CTNND2: variants seen among roughly 807,000 people sequenced by gnomAD.
CTNND2 encodes the protein catenin delta 2.
Under a neutral mutation model 144.4 loss-of-function variants are expected in CTNND2, and 22 were observed. The ratio of observed to expected loss-of-function variants is 0.15; its 90% CI spans 0.11 to 0.22. The LOEUF is 0.22. Ranked by LOEUF, CTNND2 falls within the 10% of genes least tolerant of loss-of-function variation. The pLI, the probability that CTNND2 is intolerant of heterozygous loss-of-function variation, is 1.00. For synonymous variants in CTNND2, 751 were observed against 695.6 expected, an observed-to-expected ratio of 1.08 and a Z score of -1.25; for missense variants, 1,353 against 1,618.8, an observed-to-expected ratio of 0.84 and a Z score of 2.82.
chr5:11,770,209 G>A (rs944547634), intron 1 of CTNND2, among the ~76,000 whole-genome samples: 1 of 152,056 alleles, frequency 6.6e-6, no homozygotes, highest in African/African-American at 2.4e-5. Flanking sequence ...GACAGAAGAA[G>A]AATGGAAACC....
At chr5:11,823,038 A>C (rs1793400752) in intron 1 of CTNND2, among the ~76,000 whole-genome samples, 1 of 152,212 alleles carries the variant, frequency 6.6e-6, no homozygotes, top group Non-Finnish European at 1.5e-5. Context: ...AAAATTACTC[A>C]ATTATTGTAG....
chr5:11,760,680 T>C (rs778167363), intron 1 of CTNND2, among the ~76,000 whole-genome samples: 7 of 152,214 alleles, frequency 4.6e-5, no homozygotes, highest in Non-Finnish European at 8.8e-5. Flanking sequence ...GCAGTAAGAA[T>C]GCTCATTCCA....
At chr5:11,583,092 TA>T (rs1252095457) in intron 2 of CTNND2, among the ~76,000 whole-genome samples, 4 of 152,252 alleles carry the variant, frequency 2.6e-5, no homozygotes, top group South Asian at 2.1e-4. Flanking sequence ...AGCTCTTACA[TA>T]AAATTGACAG....
At chr5:11,014,901 C>A (rs908658514) in intron 18 of CTNND2, among the ~76,000 whole-genome samples, 1 of 152,176 alleles carries the variant, frequency 6.6e-6, no homozygotes, top group African/African-American at 2.4e-5. Context: ...CCTAATTATG[C>A]AAACTCCATA....
intron 2 of CTNND2, among the ~76,000 whole-genome samples, chr5:11,627,693 G>A (rs765372668): frequency 5.9e-5 from 9 of 151,766 alleles, no homozygotes; most frequent in Non-Finnish European, 1.2e-4. Context: ...TTTCCAGGCT[G>A]GGTGTGGGGG....
chr5:11,903,479 G>C lies in CTNND2; in HGVS notation c.37+338C>G. The C allele has an allele frequency of 2.8e-6, 2 of 725,914 alleles. No individual in the cohort carries two copies. 45.0% of individuals were successfully genotyped at this position (725,914 alleles called of 1,614,324 possible). ...ATTAGGGACGTCATGAATGCACCGAGTATGTTCTCAGGGTGGCGGGGAGCA... is the reference window on the plus strand; with the variant it reads ...ATTAGGGACGTCATGAATGCACCGACTATGTTCTCAGGGTGGCGGGGAGCA... On this transcript the variant is annotated intron_variant, in intron 1 of 21. Coordinates refer to ENST00000304623, the MANE Select transcript of CTNND2 (RefSeq NM_001332.4). The surrounding 1 kb of genome is among the most constrained non-coding windows in gnomAD (Gnocchi z 5.4).
chr5:11,206,976 A>G (rs907028346), intron 10 of CTNND2, among the ~76,000 whole-genome samples: 2 of 152,148 alleles, frequency 1.3e-5, no homozygotes, highest in African/African-American at 4.8e-5. Context: ...TATATGCTCT[A>G]CTTCACAGTA....
intron 3 of CTNND2, among the ~76,000 whole-genome samples, chr5:11,450,214 G>T (rs1765178996): frequency 6.6e-6 from 1 of 152,024 alleles, no homozygotes; most frequent in Admixed American, 6.5e-5. Context: ...GATTTCCTTG[G>T]GCTGCCCCAC....
intron 2 of CTNND2, among the ~76,000 whole-genome samples, chr5:11,573,194 A>T (rs1396768285): frequency 6.6e-6 from 1 of 152,222 alleles, no homozygotes; most frequent in Admixed American, 6.5e-5. Flanking sequence ...AGCACTTAGC[A>T]GAATAAGGTA....
intron 9 of CTNND2, among the ~76,000 whole-genome samples, chr5:11,270,957 A>G (rs1745936132): frequency 6.6e-6 from 1 of 152,244 alleles, no homozygotes; most frequent in African/African-American, 2.4e-5. Context: ...AATAAAATAC[A>G]AACTAGGAAA....
At chr5:11,430,109 G>T (rs552037332) in intron 3 of CTNND2, among the ~76,000 whole-genome samples, 1 of 151,846 alleles carries the variant, frequency 6.6e-6, no homozygotes, top group South Asian at 2.1e-4. Flanking sequence ...AATTAGCCAG[G>T]TGTGGTGTCG....
chr5:11,700,628 C>T (rs1785390194), intron 2 of CTNND2, among the ~76,000 whole-genome samples: 1 of 152,152 alleles, frequency 6.6e-6, no homozygotes. Context: ...TCCTCTTGGG[C>T]TGCCATCCTT....
chr5:11,234,650 C>T (rs942948374), intron 10 of CTNND2, among the ~76,000 whole-genome samples: 2 of 152,220 alleles, frequency 1.3e-5, no homozygotes, highest in African/African-American at 4.8e-5. Flanking sequence ...GGCATTGCCA[C>T]TGAGAGGCCC....
intron 9 of CTNND2, among the ~76,000 whole-genome samples, chr5:11,240,359 T>A (rs1241047632): frequency 3.6e-4 from 11 of 30,952 alleles, no homozygotes; most frequent in East Asian, 2.4e-3. Context: ...ACACACACAT[T>A]CACACACACC....
chr5:11,480,975 C>G (rs1315084657), intron 3 of CTNND2, among the ~76,000 whole-genome samples: 1 of 151,900 alleles, frequency 6.6e-6, no homozygotes, highest in Non-Finnish European at 1.5e-5. Context: ...ATACACTCAT[C>G]GAAGCACATG....
chr5:11,841,914 A>T (rs1253859886), intron 1 of CTNND2, among the ~76,000 whole-genome samples: 1 of 151,634 alleles, frequency 6.6e-6, no homozygotes, highest in Non-Finnish European at 1.5e-5. Flanking sequence ...TCCCTTATGA[A>T]TAGTACCTCT....
At chr5:11,059,223 A>T (rs781204455) in intron 16 of CTNND2, among the ~76,000 whole-genome samples, 13 of 152,172 alleles carry the variant, frequency 8.5e-5, no homozygotes, top group Non-Finnish European at 1.5e-4. Context: ...CCACACCCAA[A>T]TCTCATCTAG....
chr5:11,267,258 T>G (rs1156334687), intron 9 of CTNND2, among the ~76,000 whole-genome samples: 1 of 152,150 alleles, frequency 6.6e-6, no homozygotes, highest in Non-Finnish European at 1.5e-5. Context: ...TCTCCCCACG[T>G]GGAGCTAACG....
intron 3 of CTNND2, among the ~76,000 whole-genome samples, chr5:11,521,526 C>T (rs532209506): frequency 4.6e-5 from 7 of 152,302 alleles, no homozygotes; most frequent in East Asian, 3.9e-4. Flanking sequence ...TTGTCATCAT[C>T]ATTCTCACCA....
Sources: gnomAD v4.1 joint callset for allele counts (sites outside exome capture counted in the v4.1 genomes callset) on GRCh38, gnomAD v4.1.1 for gene constraint, Gnocchi (gnomAD v3.1) non-coding constraint, MANE v1.5 for transcripts, NCBI Gene and HGNC (gene_info 2026-07-23, HGNC 2026-07-21) for gene names.